The following NR1H4 variants were observed in gnomAD, a reference collection of about 807,000 sequenced individuals.
NR1H4 encodes the protein bile acid receptor.
In NR1H4, 23 loss-of-function variants were observed where a neutral mutation model predicts 58.5. The observed-to-expected ratio is 0.39, with a 90% CI of 0.28 to 0.56. The LOEUF (loss-of-function observed/expected upper bound fraction) is 0.56, where lower values mean the gene tolerates loss of function less well. Ranked by LOEUF, NR1H4 falls within the 20% of genes least tolerant of loss-of-function variation. The pLI, the probability that NR1H4 is intolerant of heterozygous loss-of-function variation, is 0.58. For missense variants in NR1H4, 487 were observed against 576.9 expected, an observed-to-expected ratio of 0.84 and a Z score of 1.60; for synonymous variants, 214 against 198.0, an observed-to-expected ratio of 1.08 and a Z score of -0.68.
At chr12:100,511,218 C>A in intron 4 of NR1H4, 75 bp downstream of exon 4, 1 of 1,593,422 alleles carries the variant, frequency 6.3e-7, no homozygotes, top group South Asian at 1.1e-5. Flanking sequence ...GAACTAATTG[C>A]TTCCCTTTTC....
chr12:100,532,547 T>G lies in NR1H4; in HGVS notation c.535T>G (p.Cys179Gly). The change falls in exon 5 of 11, where the codon TGT becomes GGT. Residue 179 changes from cysteine (C) to glycine (G), a missense_variant. Transcript: ENST00000392986. ...CVMDMYMRRK[C>G]QECRLRKCKE... ...GATGGATATGTACATGCGAAGAAAG[T>G]GTCAAGAGTGTCGACTAAGGAAATG... 1 of 1,614,150 alleles carries G rather than the reference T, an allele frequency of 6.2e-7. No homozygotes were observed. The highest frequency in any genetic ancestry group is 8.5e-7 in the Non-Finnish European group (1 of 1,179,988).
chr12:100,499,436 C>T (rs970637665), intron 3 of NR1H4, among the ~76,000 whole-genome samples: 4 of 152,198 alleles, frequency 2.6e-5, no homozygotes, highest in African/African-American at 9.7e-5. Flanking sequence ...ATTTAATTTA[C>T]TGTTACTTTG....
intron 1 of NR1H4, among the ~76,000 whole-genome samples, chr12:100,490,161 C>T (rs1420098888): frequency 6.6e-6 from 1 of 152,144 alleles, no homozygotes; most frequent in African/African-American, 2.4e-5. Context: ...TTTAATAGAG[C>T]CAACATTTCT....
chr12:100,529,262 A>G (rs888251965), intron 4 of NR1H4, among the ~76,000 whole-genome samples: 14 of 152,068 alleles, frequency 9.2e-5, no homozygotes, highest in African/African-American at 3.4e-4. Context: ...CCAAAACCTG[A>G]TGTTCTCTCT....
chr12:100,508,651 GAATA>G (rs1954030045), intron 3 of NR1H4, among the ~76,000 whole-genome samples: 1 of 152,044 alleles, frequency 6.6e-6, no homozygotes, highest in African/African-American at 2.4e-5. Context: ...GTTTTGTGAG[GAATA>G]AATGAGAACA....
rs563749464 is a variant in NR1H4 at position 100,512,182 on chromosome 12, G to A, written c.445+1039G>A. The stretch of plus-strand genomic sequence containing the variant: ...CGGGAGGTTGAGGCTGCAGTGAGCC[G>A]TGATCATGCCACTGCACTCCAGACT... On this transcript the variant is annotated intron_variant, in intron 4 of 10. Transcript: ENST00000392986. Among the ~76,000 whole-genome samples, 7 of 152,150 alleles carry A rather than the reference G, an allele frequency of 4.6e-5. No individual in the cohort carries two copies. The East Asian group carries it at 5.8e-4, about 13-fold the overall frequency.
chr12:100,533,370 CAAATGAAATAA>C (rs2136230259), intron 5 of NR1H4, among the ~76,000 whole-genome samples: 1 of 152,202 alleles, frequency 6.6e-6, no homozygotes, highest in East Asian at 1.9e-4. Flanking sequence ...CAGGGAATGC[CAAATGAAATAA>C]AAGCCTTCAG....
chr12:100,530,211 TAA>T (rs1271051125), intron 4 of NR1H4, among the ~76,000 whole-genome samples: 2 of 152,242 alleles, frequency 1.3e-5, no homozygotes, highest in Non-Finnish European at 2.9e-5. Flanking sequence ...TGCAAGATAG[TAA>T]AGAGTACAGG....
rs748114151 is a variant in NR1H4 at position 100,482,987 on chromosome 12, G to A, written c.-190+8928G>A. Among the ~76,000 whole-genome samples, 10 of 152,056 alleles carry A rather than the reference G, an allele frequency of 6.6e-5. No individual in the cohort carries two copies. The East Asian group carries it at 1.2e-3, about 18-fold the overall frequency. The stretch of plus-strand genomic sequence containing the variant: ...TGTCACAAGACTGGAGTGTAGTGGC[G>A]CAATCTCGGCTCACTGCAACCTCTG... On this transcript the variant is annotated intron_variant, in intron 1 of 10. Coordinates refer to ENST00000392986, the MANE Select transcript of NR1H4 (RefSeq NM_001206979.2).
intron 3 of NR1H4, among the ~76,000 whole-genome samples, chr12:100,507,531 C>T (rs927809917): frequency 5.9e-5 from 9 of 152,022 alleles, no homozygotes; most frequent in East Asian, 1.9e-4. Flanking sequence ...GGCGCGATCT[C>T]GGCTCACTAC....
chr12:100,532,516 C>A lies in NR1H4; in HGVS notation c.504C>A (p.Asn168Lys). 1 of 1,614,048 alleles carries A rather than the reference C, an allele frequency of 6.2e-7. No homozygotes were observed. The highest frequency in any genetic ancestry group is 8.5e-7 in the Non-Finnish European group (1 of 1,179,928). ...NAVYKCKNGG[N>K]CVMDMYMRRK... is the part of the protein sequence containing the mutation. ...TGTACAAGTGTAAAAACGGGGGCAA[C>A]TGTGTGATGGATATGTACATGCGAA... Residue 168 changes from asparagine to lysine, a missense_variant, in exon 5 of 11, where the codon AAC becomes AAA. Asn to Lys is a moderately conservative substitution (Grantham distance 94). Coordinates refer to ENST00000392986, the MANE Select transcript of NR1H4 (RefSeq NM_001206979.2).
At chr12:100,539,678 C>A (rs947344604) in intron 8 of NR1H4, among the ~76,000 whole-genome samples, 5 of 152,104 alleles carry the variant, frequency 3.3e-5, no homozygotes, top group Non-Finnish European at 7.3e-5. Flanking sequence ...TATTATGTGC[C>A]AGGAACTGGG....
chr12:100,505,758 A>G, intron 3 of NR1H4: 1 of 543,592 alleles, frequency 1.8e-6, no homozygotes, highest in Non-Finnish European at 3.3e-6. Flanking sequence ...GTATCAAAAT[A>G]GAAATAAATT....
intron 1 of NR1H4, among the ~76,000 whole-genome samples, chr12:100,483,838 G>T (rs1198367717): frequency 6.6e-6 from 1 of 152,024 alleles, no homozygotes; most frequent in East Asian, 1.9e-4. Flanking sequence ...ACAAAAATTA[G>T]CTGGGTGTGG....
chr12:100,485,937 T>C (rs1255288739), intron 1 of NR1H4, among the ~76,000 whole-genome samples: 1 of 152,228 alleles, frequency 6.6e-6, no homozygotes, highest in Non-Finnish European at 1.5e-5. Flanking sequence ...GTATCCATTC[T>C]CTTTTTGATG....
rs1399778512 is a variant in NR1H4 at position 100,506,034 on chromosome 12, CACACACACAGAGAGAG to C, written c.80-4742_80-4727del. On this transcript the variant is annotated intron_variant, in intron 3 of 10. Coordinates refer to ENST00000392986, the MANE Select transcript of NR1H4 (RefSeq NM_001206979.2). ...ACACACACACACACACACACACACACACACACACAGAGAGAGAGAGAGAACATGAGCATATGTTTAT... is the reference window on the plus strand; with the variant it reads ...ACACACACACACACACACACACACACAGAGAGAACATGAGCATATGTTTAT... 2.8e-5 allele frequency among the ~76,000 whole-genome samples: 4 copies of C among 140,534 alleles called. No individual in the cohort carries two copies. In the South Asian group the frequency reaches 8.6e-4, roughly 30 times the overall value. 92.2% of individuals were successfully genotyped at this position (140,534 alleles called of 152,430 possible). A position where few individuals can be genotyped will look rare whatever the true frequency, so the allele number is the denominator to read the frequency against.
intron 9 of NR1H4, among the ~76,000 whole-genome samples, chr12:100,551,428 C>A (rs1314514879): frequency 6.6e-6 from 1 of 152,168 alleles, no homozygotes; most frequent in Non-Finnish European, 1.5e-5. Context: ...AGTTCAGATA[C>A]TGTCTTTGAG....
At chr12:100,501,663 G>A (rs189816673) in intron 3 of NR1H4, among the ~76,000 whole-genome samples, 1 of 152,318 alleles carries the variant, frequency 6.6e-6, no homozygotes. Context: ...TTGGAAACTT[G>A]TGAAGGCTAT....
intron 4 of NR1H4, among the ~76,000 whole-genome samples, chr12:100,516,607 C>A (rs2136180626): frequency 6.6e-6 from 1 of 152,244 alleles, no homozygotes; most frequent in East Asian, 1.9e-4. Context: ...ACCTCGTGAT[C>A]CGCCCGCCTC....
Sources: allele counts gnomAD v4.1 joint callset (sites outside exome capture counted in the v4.1 genomes callset), GRCh38; gene constraint gnomAD v4.1.1; transcripts MANE v1.5; gene names NCBI Gene and HGNC (gene_info 2026-07-23, HGNC 2026-07-21).